The following C11orf65 variants were observed in gnomAD, a reference collection of about 807,000 sequenced individuals.
C11orf65 encodes the protein chromosome 11 open reading frame 65, also known as protein MFI.
C11orf65 carries 38 observed loss-of-function variants against 35.3 expected under a neutral mutation model. That is an observed-to-expected ratio of 1.08 (90% CI 0.83 to 1.41). The LOEUF (loss-of-function observed/expected upper bound fraction) is 1.41. C11orf65 is among the 40% of genes most tolerant of loss of function. The probability of loss-of-function intolerance (pLI) is 0.00; values close to 1 mark genes in which losing one functional copy is unlikely to be tolerated. For synonymous variants in C11orf65, 105 were observed against 114.4 expected (o/e 0.92, Z 0.53); for missense variants, 370 against 367.1 (o/e 1.01, Z -0.06).
At chr11:108,350,481 T>G (rs2089057365) in intron 2 of C11orf65, among the ~76,000 whole-genome samples, 1 of 152,246 alleles carries the variant, frequency 6.6e-6, no homozygotes, top group Non-Finnish European at 1.5e-5. Context: ...GACTCATTTC[T>G]GGAGTACAAC....
downstream of C11orf65, chr11:108,329,253 A>G: frequency 6.3e-7 from 1 of 1,595,740 alleles, no homozygotes; most frequent in Non-Finnish European, 8.6e-7. Context: ...CTAGGTTTCT[A>G]CAAGTGACAA....
chr11:108,453,229 T>C (rs936146206), intron 2 of C11orf65, among the ~76,000 whole-genome samples: 21 of 144,674 alleles, frequency 1.5e-4, no homozygotes, highest in African/African-American at 5.4e-4. Flanking sequence ...AAACAACTTA[T>C]GGCATCTTTA....
chr11:108,430,574 T>C (rs2092972981), intron 3 of C11orf65, among the ~76,000 whole-genome samples: 1 of 152,032 alleles, frequency 6.6e-6, no homozygotes, highest in Non-Finnish European at 1.5e-5. Context: ...AAGGGTACGG[T>C]GGTTTACACC....
chr11:108,312,595 C>A, intron 6 of C11orf65: 2 of 880,890 alleles, frequency 2.3e-6, no homozygotes, highest in Non-Finnish European at 3.7e-6. Context: ...GATTTTTAAA[C>A]TGAATTTACT....
rs556332130 is a variant in C11orf65, at chr11:108,445,013, C to T, written c.82-13175G>A. Reference sequence around the variant, plus strand: ...CACGGAGTCTTGCTGATTGCTAGCACAGCAGTCTGAGATCAAACTGCAAGG... The same window carrying T: ...CACGGAGTCTTGCTGATTGCTAGCATAGCAGTCTGAGATCAAACTGCAAGG... On this transcript the variant is annotated intron_variant, in intron 2 of 8. Coordinates refer to ENST00000393084, the MANE Select transcript of C11orf65 (RefSeq NM_152587.5). Among the ~76,000 whole-genome samples the T allele has an allele frequency of 3.9e-5, 6 of 152,302 alleles. No homozygotes were observed. The East Asian group carries it at 1.2e-3, about 29-fold the overall frequency.
At chr11:108,458,619 C>T (rs1057396229) in intron 2 of C11orf65, among the ~76,000 whole-genome samples, 3 of 152,100 alleles carry the variant, frequency 2.0e-5, no homozygotes, top group African/African-American at 7.2e-5. Flanking sequence ...TCACTATTGT[C>T]CAACATACAG....
chr11:108,356,499 G>A (rs2089934787), intron 2 of C11orf65, among the ~76,000 whole-genome samples: 1 of 144,164 alleles, frequency 6.9e-6, no homozygotes, highest in Non-Finnish European at 1.5e-5. Flanking sequence ...TTGCACCATT[G>A]CCCTCCAGCC....
intron 6 of C11orf65, among the ~76,000 whole-genome samples, chr11:108,398,454 G>A (rs897561913): frequency 6.6e-6 from 1 of 152,238 alleles, no homozygotes; most frequent in Admixed American, 6.5e-5. Context: ...TTGTGATGCG[G>A]AAGATTAGAA....
chr11:108,358,450 C>A (rs1177550179), intron 2 of C11orf65, among the ~76,000 whole-genome samples: 1 of 150,976 alleles, frequency 6.6e-6, no homozygotes. Flanking sequence ...GAGAATGCCA[C>A]AAAGATACTC....
At chr11:108,330,406 C>T (rs1060504286), downstream of C11orf65, 11 of 1,614,058 alleles carry the variant, frequency 6.8e-6, no homozygotes, top group Non-Finnish European at 9.3e-6. Flanking sequence ...TTTCTGAAGT[C>T]AATGGCATGA....
chr11:108,365,921 C>T (rs1487597483), intron 2 of C11orf65: 2 of 185,212 alleles, frequency 1.1e-5, no homozygotes, highest in Admixed American at 1.1e-4. Context: ...CCCAGCTACT[C>T]GAGAGGCTGA....
At chr11:108,358,202 A>C (rs1488041670) in intron 2 of C11orf65, among the ~76,000 whole-genome samples, 2 of 151,732 alleles carry the variant, frequency 1.3e-5, no homozygotes, top group Non-Finnish European at 2.9e-5. Flanking sequence ...TCAGCGATGG[A>C]AGATGAAATG....
Position 108,427,073 on chromosome 11 carries a change from A to T in C11orf65, c.174+4673T>A, listed in dbSNP as rs189848973. ...TTAAAGACTTAAACGTAAGACCTAA[A>T]ACCATAAAAATCCTAGAAGAAAACC... On this transcript the variant is annotated intron_variant, in intron 3 of 8. Transcript: ENST00000393084. Among the ~76,000 whole-genome samples the T allele has an allele frequency of 4.6e-5, 7 of 152,348 alleles. No individual in the cohort carries two copies. In the East Asian group the frequency reaches 1.3e-3, roughly 29 times the overall value.
At chr11:108,381,708 A>C (rs1408283679), downstream of C11orf65, among the ~76,000 whole-genome samples, 3 of 152,174 alleles carry the variant, frequency 2.0e-5, no homozygotes, top group Admixed American at 6.5e-5. Context: ...CCAATGTCTT[A>C]TGGTTTCCTT....
At chr11:108,327,891 T>A, downstream of C11orf65, 1 of 781,970 alleles carries the variant, frequency 1.3e-6, no homozygotes, top group East Asian at 2.8e-5. Context: ...CTGTTGTAGC[T>A]CTGTATAGTC....
rs893727125 is a variant in C11orf65 at position 108,435,981 on chromosome 11, A to G, written c.82-4143T>C. On this transcript the variant is annotated intron_variant, in intron 2 of 8. Transcript: ENST00000393084. Reference sequence around the variant, plus strand: ...CAGGGAAATTATCCTCATTGGCCCAAGGTAATTGCAAGGGTCCGTATAAAG... The same window carrying G: ...CAGGGAAATTATCCTCATTGGCCCAGGGTAATTGCAAGGGTCCGTATAAAG... Among the ~76,000 whole-genome samples the G allele has an allele frequency of 6.6e-5, 10 of 152,262 alleles. No individual in the cohort carries two copies. In the East Asian group the frequency reaches 1.7e-3, roughly 26 times the overall value.
At chr11:108,315,797 A>G (rs1367285064) in intron 6 of C11orf65, 2 of 1,579,512 alleles carry the variant, frequency 1.3e-6, no homozygotes, top group East Asian at 2.2e-5. Context: ...TTCCTTCTTC[A>G]ATTTTTGTTG....
chr11:108,381,793 T>A (rs1236082074), downstream of C11orf65, among the ~76,000 whole-genome samples: 1 of 152,246 alleles, frequency 6.6e-6, no homozygotes. Flanking sequence ...TTTGACAATC[T>A]TCCTTTTAAG....
intron 6 of C11orf65, among the ~76,000 whole-genome samples, chr11:108,400,911 C>A (rs1018425498): frequency 6.6e-6 from 1 of 152,034 alleles, no homozygotes; most frequent in Admixed American, 6.6e-5. Flanking sequence ...TCAAGACCAG[C>A]CTGGCCAATA....
Sources: allele counts gnomAD v4.1 joint callset (sites outside exome capture counted in the v4.1 genomes callset), GRCh38; gene constraint gnomAD v4.1.1; transcripts MANE v1.5; gene names NCBI Gene and HGNC (gene_info 2026-07-23, HGNC 2026-07-21).